The following NDUFA6 variants were observed in gnomAD, a reference collection of about 807,000 sequenced individuals.
NDUFA6 encodes the protein NADH dehydrogenase [ubiquinone] 1 alpha subcomplex subunit 6.
In NDUFA6, 10 loss-of-function variants were observed where a neutral mutation model predicts 12.5. That is an observed-to-expected ratio of 0.80 (90% CI 0.49 to 1.35). NDUFA6 has a LOEUF of 1.35. Among genes scored for constraint, NDUFA6 ranks in the 40% most tolerant of loss-of-function variants. The pLI, the probability that NDUFA6 is intolerant of heterozygous loss-of-function variation, is 0.00. For synonymous variants in NDUFA6, 66 were observed against 63.0 expected, an observed-to-expected ratio of 1.05 and a Z score of -0.23; for missense variants, 177 against 173.5, an observed-to-expected ratio of 1.02 and a Z score of -0.11.
chr22:42,085,801 A>C lies in NDUFA6; in HGVS notation c.*382T>G, dbSNP rs1395792431. ...CCTGTTAGTGCTGCCCTGATCCCTG[A>C]CAGGAAGAGCTGGCTAATTTTAGAT... On this transcript the variant is annotated 3_prime_UTR_variant, in exon 3 of 3. Transcript: ENST00000498737. The C allele has an allele frequency of 5.8e-6, 2 of 346,950 alleles. No homozygotes were observed. The highest frequency in any genetic ancestry group is 1.1e-5 in the Non-Finnish European group (2 of 181,018). 21.5% of individuals were successfully genotyped at this position (346,950 alleles called of 1,614,324 possible). A position where few individuals can be genotyped will look rare whatever the true frequency, so the allele number is the denominator to read the frequency against.
intron 1 of NDUFA6, among the ~76,000 whole-genome samples, chr22:42,088,462 G>A (rs6002596): frequency 0.32 from 48,171 of 150,834 alleles, 7,537 homozygotes; most frequent in Middle Eastern, 0.47. Flanking sequence ...GCTCACGCCT[G>A]TAATCCCAGC....
rs59418535 is a variant in NDUFA6 at position 42,089,327 on chromosome 22, A to AACACACACACACACACACACACACACAC, written c.139+1251_139+1278dup. On this transcript the variant is annotated intron_variant, in intron 1 of 2. Transcript: ENST00000498737. ...GCTGAATTTGAATGCACCACCCCGA[A>AACACACACACACACACACACACACACAC]ACACACACACACACACACACACACA... is the stretch of plus-strand genomic sequence containing the variant. Among the ~76,000 whole-genome samples the AACACACACACACACACACACACACACAC allele has an allele frequency of 1.1e-3, 169 of 147,232 alleles. 2 individuals are homozygous for AACACACACACACACACACACACACACAC. Among genetic ancestry groups the AACACACACACACACACACACACACACAC allele is most frequent in the African/African-American group, 4.1e-3 (160 of 39,340 alleles).
At chr22:42,088,912 G>C (rs916923439) in intron 1 of NDUFA6, among the ~76,000 whole-genome samples, 7 of 152,034 alleles carry the variant, frequency 4.6e-5, no homozygotes, top group African/African-American at 1.7e-4. Context: ...GTGTGGCACA[G>C]GTTTGAGTAA....
At chr22:42,088,651 G>A (rs755636017) in intron 1 of NDUFA6, among the ~76,000 whole-genome samples, 1 of 150,660 alleles carries the variant, frequency 6.6e-6, no homozygotes, top group Admixed American at 6.6e-5. Context: ...AACCCGGGAG[G>A]TGGAGGTTGC....
At position 42,085,783 on chromosome 22, in the gene NDUFA6, GT is replaced by G. The variant is rs2146870694; in HGVS notation, c.*399del. On this transcript the variant is annotated 3_prime_UTR_variant, in exon 3 of 3. Transcript: ENST00000498737. The stretch of plus-strand genomic sequence containing the variant: ...GACAGCTCTACTTTTGCGCCTGTTA[GT>G]GCTGCCCTGATCCCTGACAGGAAGA... The G allele has an allele frequency of 3.0e-6, 1 of 328,788 alleles. No individual in the cohort carries two copies. Among genetic ancestry groups the G allele is most frequent in the South Asian group, 2.6e-5 (1 of 38,090 alleles). The allele number at this position is 328,788 out of a possible 1,614,324, so 20.4% of individuals were successfully genotyped here.
At chr22:42,087,470 G>T in intron 1 of NDUFA6, 4 of 423,416 alleles carry the variant, frequency 9.4e-6, no homozygotes, top group South Asian at 7.0e-5. Context: ...ATGATCCCGT[G>T]TAAGTTAACT....
intron 2 of NDUFA6, 122 bp from the exon 3 acceptor site, chr22:42,086,436 A>C (rs762474508): frequency 5.2e-5 from 69 of 1,319,126 alleles, no homozygotes; most frequent in Non-Finnish European, 6.8e-5. Flanking sequence ...GCAAGTAACT[A>C]CTCTGTCTGG....
Position 42,086,208 on chromosome 22 carries a change from TTGGATAGGAAA to T in NDUFA6, c.351_361del (p.Asp117GlufsTer26). ...TCATGGATCGTGGCCAACATAGAAC[TTGGATAGGAAA>T]TCCTTTGGCCTTGGCGCTTCTGTTT... On this transcript the variant is annotated frameshift_variant, in exon 3 of 3. Transcript: ENST00000498737. LOFTEE classifies it high-confidence loss of function. 1 of 1,614,208 alleles carries T rather than the reference TTGGATAGGAAA, an allele frequency of 6.2e-7. No homozygotes were observed. Among genetic ancestry groups the T allele is most frequent in the Non-Finnish European group, 8.5e-7 (1 of 1,180,012 alleles).
chr22:42,086,382 G>A (rs1928253636), intron 2 of NDUFA6, 68 bp from the exon 3 acceptor site: 2 of 1,595,704 alleles, frequency 1.3e-6, no homozygotes, highest in African/African-American at 2.7e-5. Context: ...CTGAAGGCCA[G>A]GATTCTATTC....
chr22:42,088,443 G>A (rs180953121), intron 1 of NDUFA6, among the ~76,000 whole-genome samples: 28 of 151,806 alleles, frequency 1.8e-4, no homozygotes, highest in African/African-American at 6.3e-4. Context: ...TTATTAGCTG[G>A]GCGCGGTGGC....
chr22:42,085,726 T>G lies in NDUFA6; in HGVS notation c.*457A>C, dbSNP rs1392578087. 4.1e-6 allele frequency: 1 copy of G among 245,132 alleles called. No homozygotes were observed. Among genetic ancestry groups the G allele is most frequent in the Non-Finnish European group, 8.1e-6 (1 of 123,456 alleles). The allele number at this position is 245,132 out of a possible 1,614,324, so 15.2% of individuals were successfully genotyped here. Reference sequence around the variant, plus strand: ...GAGCCAAGCCTTTGCACATCCATTTTCTTCAGAACCCAAGGAAAACTAGCC... The same window carrying G: ...GAGCCAAGCCTTTGCACATCCATTTGCTTCAGAACCCAAGGAAAACTAGCC... On this transcript the variant is annotated 3_prime_UTR_variant, in exon 3 of 3. Transcript: ENST00000498737.
chr22:42,090,667 G>T lies in NDUFA6; in HGVS notation c.78C>A (p.Asn26Lys), dbSNP rs11555448. ...FVKPIFSRDM[N>K]EAKRRVRELY... is the part of the protein sequence containing the mutation. ...GCTCGCGCACCCTCCGCTTGGCCTC[G>T]TTCATGTCCCGACTGAAAATGGGCT... is the stretch of plus-strand genomic sequence containing the variant. The change falls in exon 1 of 3, where the codon AAC becomes AAA. Residue 26 changes from asparagine to lysine, a missense_variant. Coordinates refer to ENST00000498737, the MANE Select transcript of NDUFA6 (RefSeq NM_002490.6). 5 of 1,614,066 alleles carry T rather than the reference G, an allele frequency of 3.1e-6. No individual in the cohort carries two copies. The Admixed American group carries it at 8.3e-5, about 27-fold the overall frequency.
chr22:42,090,705 T>G lies in NDUFA6; in HGVS notation c.40A>C (p.Ser14Arg), dbSNP rs768305282. ...SGVRQATSTA[S>R]TFVKPIFSRD... The stretch of plus-strand genomic sequence containing the variant: ...CTGAAAATGGGCTTCACGAAGGTGC[T>G]GGCGGTAGAAGTAGCTTGGCGGACG... The change falls in exon 1 of 3, where the codon AGC (serine) becomes CGC (arginine). Residue 14 changes from serine (S) to arginine (R), a missense_variant. Around this residue, in one of 3 missense-constraint regions of NDUFA6, gnomAD observed 111 missense variants for 87.2 expected, o/e 1.27. Coordinates refer to ENST00000498737, the MANE Select transcript of NDUFA6 (RefSeq NM_002490.6). 4.6e-5 allele frequency: 75 copies of G among 1,614,158 alleles called. 1 individual carries two copies. In the Middle Eastern group the frequency reaches 1.5e-3, roughly 32 times the overall value.
intron 1 of NDUFA6, 161 bp from the exon 2 acceptor site, chr22:42,087,336 G>A: frequency 1.5e-6 from 1 of 659,364 alleles, no homozygotes; most frequent in Non-Finnish European, 2.8e-6. Flanking sequence ...TGTGATTCAT[G>A]GTATTTGCTC....
rs59418535 is a variant in NDUFA6 at position 42,089,327 on chromosome 22, A to AACACACACACACACAC, written c.139+1263_139+1278dup. Among the ~76,000 whole-genome samples, 596 of 147,246 alleles carry AACACACACACACACAC rather than the reference A, an allele frequency of 4.0e-3. 4 individuals carry two copies. Among genetic ancestry groups the AACACACACACACACAC allele is most frequent in the Middle Eastern group, 0.021 (6 of 290 alleles). On this transcript the variant is annotated intron_variant, in intron 1 of 2. Transcript: ENST00000498737. ...GCTGAATTTGAATGCACCACCCCGAAACACACACACACACACACACACACA... is the reference window on the plus strand; with the variant it reads ...GCTGAATTTGAATGCACCACCCCGAAACACACACACACACACACACACACACACACACACACACACA...
At chr22:42,090,191 A>G (rs779994443) in intron 1 of NDUFA6, among the ~76,000 whole-genome samples, 4 of 152,094 alleles carry the variant, frequency 2.6e-5, no homozygotes, top group Non-Finnish European at 5.9e-5. Flanking sequence ...TGTCACAAAC[A>G]AAAAAATCCA....
rs767752904 is a variant in NDUFA6, at chr22:42,090,723, G to A, written c.22C>T (p.Gln8Ter). 6 of 1,614,174 alleles carry A rather than the reference G, an allele frequency of 3.7e-6. No individual in the cohort carries two copies. Among genetic ancestry groups the A allele is most frequent in the South Asian group, 1.1e-5 (1 of 91,086 alleles). Residue 8 changes from glutamine (Q) to a stop codon, truncating the protein, a stop_gained, in exon 1 of 3, where the codon CAA (glutamine) becomes TAA (stop). Coordinates refer to ENST00000498737, the MANE Select transcript of NDUFA6 (RefSeq NM_002490.6). LOFTEE classifies it high-confidence loss of function. The stretch of plus-strand genomic sequence containing the variant: ...AAGGTGCTGGCGGTAGAAGTAGCTT[G>A]GCGGACGCCGCTCCCCGCCATCTTG... MAGSGVR[Q>*]ATSTASTFVK... is the part of the protein sequence containing the mutation.
intron 1 of NDUFA6, among the ~76,000 whole-genome samples, chr22:42,087,639 A>G (rs896471474): frequency 1.3e-5 from 2 of 151,154 alleles, no homozygotes; most frequent in Non-Finnish European, 2.9e-5. Context: ...CGTCTCTACT[A>G]AAAATACAAA....
At position 42,086,191 on chromosome 22, in the gene NDUFA6, C is replaced by T. The variant is rs199507252; in HGVS notation, c.379G>A (p.Asp127Asn). The change falls in exon 3 of 3, where the codon GAT (aspartate) becomes AAT (asparagine). Residue 127 changes from aspartate to asparagine, a missense_variant. Asp to Asn is a conservative substitution (Grantham distance 23). Around this residue, in one of 3 missense-constraint regions of NDUFA6, gnomAD observed 62 missense variants for 69.4 expected, o/e 0.89. Transcript: ENST00000498737. ...CTTTCCACTGAATGACTTCATGGAT[C>T]GTGGCCAACATAGAACTTGGATAGG... The part of the protein sequence containing the change: ...DFLSKFYVGH[D>N]P The T allele has an allele frequency of 3.8e-5, 62 of 1,614,210 alleles. No individual in the cohort carries two copies. The highest frequency in any genetic ancestry group is 3.1e-4 in the African/African-American group (23 of 75,056).
Sources: gnomAD v4.1 joint callset for allele counts (sites outside exome capture counted in the v4.1 genomes callset) on GRCh38, gnomAD v4.1.1 for gene constraint, gnomAD v4.1.1 regional missense constraint, MANE v1.5 for transcripts, NCBI Gene and HGNC (gene_info 2026-07-23, HGNC 2026-07-21) for gene names.